Variants in TRPM3 observed in about 807,000 individuals in gnomAD.
TRPM3 encodes long transient receptor potential channel 3.
In TRPM3, 77 loss-of-function variants were observed where a neutral mutation model predicts 181.2. The ratio of observed to expected loss-of-function variants is 0.42; its 90% CI spans 0.35 to 0.51. The LOEUF is 0.51. TRPM3 is among the 20% of genes least tolerant of loss of function. TRPM3 has a pLI of 0.01. For synonymous variants in TRPM3, 745 were observed against 796.4 expected (o/e 0.94, Z 1.09); for missense variants, 1,759 against 2,196.7 (o/e 0.80, Z 3.98).
rs1188878621 is a variant in TRPM3, at chr9:70,919,829, T to C, written c.178-55318A>G. On this transcript the variant is annotated intron_variant, in intron 1 of 25. Transcript: ENST00000677713. ...TCCATCCCACCATACTCCTATGATATTTTGTTCATTCCCTTACTATATTCT... is the reference window on the plus strand; with the variant it reads ...TCCATCCCACCATACTCCTATGATACTTTGTTCATTCCCTTACTATATTCT... Among the ~76,000 whole-genome samples the C allele has an allele frequency of 8.6e-5, 13 of 152,022 alleles. 1 individual carries two copies. In the South Asian group the frequency reaches 1.0e-3, roughly 12 times the overall value.
intron 1 of TRPM3, among the ~76,000 whole-genome samples, chr9:71,130,498 C>T (rs2074303868): frequency 1.3e-5 from 2 of 152,114 alleles, no homozygotes; most frequent in Non-Finnish European, 2.9e-5. Flanking sequence ...TTCACATTTA[C>T]TTGGACTTCA....
At chr9:70,852,867 A>G (rs985788845) in intron 3 of TRPM3, among the ~76,000 whole-genome samples, 11 of 152,152 alleles carry the variant, frequency 7.2e-5, no homozygotes, top group African/African-American at 2.7e-4. Context: ...TCATCTATCA[A>G]AGGCCTTTGT....
chr9:71,444,141 T>G (rs2094172056), intron 1 of TRPM3, among the ~76,000 whole-genome samples: 1 of 139,518 alleles, frequency 7.2e-6, no homozygotes. Context: ...ATTGTGCCAC[T>G]GCACTCCAGC....
At chr9:71,324,655 G>T (rs1209267999) in intron 1 of TRPM3, among the ~76,000 whole-genome samples, 1 of 151,930 alleles carries the variant, frequency 6.6e-6, no homozygotes, top group African/African-American at 2.4e-5. Context: ...ATATCAAAAG[G>T]ATACTGCACT....
intron 1 of TRPM3, among the ~76,000 whole-genome samples, chr9:71,227,268 A>G (rs1403726867): frequency 6.6e-6 from 1 of 152,046 alleles, no homozygotes; most frequent in Non-Finnish European, 1.5e-5. Flanking sequence ...ATCAACAAAG[A>G]GATTAAGAAA....
intron 1 of TRPM3, among the ~76,000 whole-genome samples, chr9:71,408,934 A>G (rs1422371936): frequency 6.6e-6 from 1 of 152,216 alleles, no homozygotes; most frequent in Non-Finnish European, 1.5e-5. Flanking sequence ...GCCAAAAAAG[A>G]GTGGGGGCCA....
chr9:71,189,611 T>C (rs896715131), intron 1 of TRPM3, among the ~76,000 whole-genome samples: 11 of 151,798 alleles, frequency 7.2e-5, no homozygotes, highest in African/African-American at 2.7e-4. Flanking sequence ...GTCTTTTTAC[T>C]TGTCACCAAG....
chr9:70,953,824 C>A (rs1032630066), intron 1 of TRPM3, among the ~76,000 whole-genome samples: 4 of 152,122 alleles, frequency 2.6e-5, no homozygotes, highest in African/African-American at 9.7e-5. Flanking sequence ...ACGGAGCTGC[C>A]CTAACCTTGT....
Position 70,625,493 on chromosome 9 carries a change from T to C in TRPM3, c.1657A>G (p.Ile553Val). Residue 553 changes from isoleucine (I) to valine (V), a missense_variant, in exon 13 of 26, where the codon ATC (isoleucine) becomes GTC (valine). Ile to Val is a conservative substitution (Grantham distance 29). Transcript: ENST00000677713. The surrounding 1 kb of genome is among the most constrained non-coding windows in gnomAD (Gnocchi z 4.8). ...KKREYPGFGWIYFKGNLPPDY... is the reference protein window; with the variant it reads ...KKREYPGFGWVYFKGNLPPDY... ...GTTAATTAATTCACCTTAAAATAGA[T>C]CCAACCGAAACCTGGATACTCTCGC... is the stretch of plus-strand genomic sequence containing the variant. The C allele has an allele frequency of 6.2e-7, 1 of 1,612,248 alleles. No individual in the cohort carries two copies. The highest frequency in any genetic ancestry group is 8.5e-7 in the Non-Finnish European group (1 of 1,179,474).
chr9:70,815,691 A>G (rs1476875000), intron 6 of TRPM3, among the ~76,000 whole-genome samples: 1 of 152,142 alleles, frequency 6.6e-6, no homozygotes, highest in Admixed American at 6.6e-5. Flanking sequence ...TGATTTGTAG[A>G]TACTCGGCAT....
intron 8 of TRPM3, among the ~76,000 whole-genome samples, chr9:70,690,348 T>C (rs1387955228): frequency 6.6e-6 from 1 of 152,190 alleles, no homozygotes; most frequent in African/African-American, 2.4e-5. Context: ...ATAATCATGT[T>C]AACAATAGGC....
chr9:70,686,387 A>C (rs1336339879), intron 8 of TRPM3, among the ~76,000 whole-genome samples: 1 of 152,240 alleles, frequency 6.6e-6, no homozygotes, highest in Non-Finnish European at 1.5e-5. Flanking sequence ...GGGTGAGTAT[A>C]TCAGTAAAAT....
At chr9:71,190,966 A>T (rs1389582156) in intron 1 of TRPM3, among the ~76,000 whole-genome samples, 2 of 152,008 alleles carry the variant, frequency 1.3e-5, no homozygotes, top group East Asian at 3.9e-4. Context: ...CAAGCAAAGC[A>T]ATATTCATTT....
At chr9:71,211,360 T>TG (rs1308199226) in intron 1 of TRPM3, among the ~76,000 whole-genome samples, 2 of 79,164 alleles carry the variant, frequency 2.5e-5, no homozygotes, top group Admixed American at 1.9e-4. Context: ...TATATGATTG[T>TG]GTTTTTTTTT....
At chr9:70,784,393 G>A in intron 6 of TRPM3, 114 bp from the exon 7 acceptor site, 1 of 1,185,828 alleles carries the variant, frequency 8.4e-7, no homozygotes, top group Non-Finnish European at 1.2e-6. Context: ...GAGCACGGGG[G>A]AGGTAGCAAC....
intron 1 of TRPM3, among the ~76,000 whole-genome samples, chr9:70,923,761 C>T (rs893732575): frequency 3.4e-5 from 5 of 148,198 alleles, no homozygotes; most frequent in Admixed American, 2.7e-4. Flanking sequence ...CCAGCTTGGC[C>T]GAGTAATACT....
intron 1 of TRPM3, among the ~76,000 whole-genome samples, chr9:71,104,730 G>A (rs1032948547): frequency 1.3e-5 from 2 of 152,010 alleles, no homozygotes; most frequent in African/African-American, 4.8e-5. Context: ...AGGTATTTCT[G>A]TATGAGAAAT....
intron 1 of TRPM3, among the ~76,000 whole-genome samples, chr9:71,187,582 A>G (rs567191943): frequency 3.9e-5 from 6 of 152,080 alleles, no homozygotes; most frequent in Admixed American, 2.6e-4. Flanking sequence ...ACAAAAAACC[A>G]TTTTAGGAAT....
At chr9:70,744,661 C>T (rs1587721120) in intron 8 of TRPM3, among the ~76,000 whole-genome samples, 1 of 152,138 alleles carries the variant, frequency 6.6e-6, no homozygotes, top group Non-Finnish European at 1.5e-5. Flanking sequence ...ACTGTGCCTT[C>T]ATTTTCCTTG....
Sources: gnomAD v4.1 joint callset for allele counts (sites outside exome capture counted in the v4.1 genomes callset) on GRCh38, gnomAD v4.1.1 for gene constraint, Gnocchi (gnomAD v3.1) non-coding constraint, MANE v1.5 for transcripts, NCBI Gene and HGNC (gene_info 2026-07-23, HGNC 2026-07-21) for gene names.